Variants in AFDN observed in about 807,000 individuals in gnomAD.
AFDN encodes afadin.
A neutral mutation model predicts 216.6 loss-of-function variants in AFDN; 68 were observed. The observed-to-expected ratio is 0.31, with a 90% CI of 0.26 to 0.38. The LOEUF (loss-of-function observed/expected upper bound fraction) is 0.38, where lower values mean the gene tolerates loss of function less well. AFDN is among the 10% of genes least tolerant of loss of function. The pLI, the probability that AFDN is intolerant of heterozygous loss-of-function variation, is 1.00. For missense variants in AFDN, 2,136 were observed against 2,342.0 expected (o/e 0.91, Z 1.82); for synonymous variants, 868 against 853.7 (o/e 1.02, Z -0.29).
At position 167,951,862 on chromosome 6, in the gene AFDN, A is replaced by G. The variant is rs1239520117; in HGVS notation, c.4508A>G (p.Gln1503Arg). 2 of 1,613,996 alleles carry G rather than the reference A, an allele frequency of 1.2e-6. No homozygotes were observed. The highest frequency in any genetic ancestry group is 1.3e-5 in the African/African-American group (1 of 74,914). ...QPRTIERRDL[Q>R]YITVSKEELS... The stretch of plus-strand genomic sequence containing the variant: ...CGCACGATCGAGCGCAGAGACTTGC[A>G]GTACATTACAGTCAGCAAAGAGGAG... Residue 1503 changes from glutamine to arginine, a missense_variant, in exon 30 of 34, where the codon CAG (glutamine) becomes CGG (arginine). This residue lies in a region of AFDN where 981 missense variants were observed against 966.0 expected (regional missense o/e 1.02). Coordinates refer to ENST00000683244, the MANE Select transcript of AFDN (RefSeq NM_001386888.1). The surrounding 1 kb of genome is among the most constrained non-coding windows in gnomAD (Gnocchi z 7.1).
intron 2 of AFDN, 31 bp from the exon 3 acceptor site, chr6:167,870,355 A>T: frequency 1.4e-6 from 2 of 1,393,972 alleles, no homozygotes; most frequent in South Asian, 2.5e-5. Flanking sequence ...ACCATAGCTT[A>T]TTCTTTTTTT....
rs1012368306 is a variant in AFDN at position 167,964,334 on chromosome 6, T to G, written c.4969-1423T>G. The stretch of plus-strand genomic sequence containing the variant: ...TATAACTAAAAGAGGATATTTTGAT[T>G]TCTTCCTAAAATGTTACCAAGCAAC... On this transcript the variant is annotated intron_variant, in intron 31 of 33. Transcript: ENST00000683244. 20 of 1,064,332 alleles carry G rather than the reference T, an allele frequency of 1.9e-5. No individual in the cohort carries two copies. In the African/African-American group the frequency reaches 3.3e-4, roughly 17 times the overall value. The allele number at this position is 1,064,332 out of a possible 1,614,324, so 65.9% of individuals were successfully genotyped here.
At chr6:167,890,767 TCTTTTTGAG>T (rs1787464194) in intron 7 of AFDN, 86 bp from the exon 8 acceptor site, 1 of 1,203,794 alleles carries the variant, frequency 8.3e-7, no homozygotes, top group Non-Finnish European at 1.2e-6. Context: ...ATTACATGCA[TCTTTTTGAG>T]AAAGTTTTGC....
chr6:167,834,076 C>G (rs1780125000), intron 1 of AFDN, among the ~76,000 whole-genome samples: 1 of 152,008 alleles, frequency 6.6e-6, no homozygotes, highest in Non-Finnish European at 1.5e-5. Context: ...ACATTAATTT[C>G]ATTGGGAAAA....
In AFDN at chr6:167,962,454, C is replaced by A. The variant is rs765756915; in HGVS notation, c.4855C>A (p.Arg1619=). 1.1e-5 allele frequency: 17 copies of A among 1,613,530 alleles called. No individual in the cohort carries two copies. In the South Asian group the frequency reaches 1.9e-4, roughly 18 times the overall value. Reference sequence around the variant, plus strand: ...TTAGTTGCAGGACGAGGAGCGGAGGCGGCAGCAGCAGTTAGAAGAGATGCG... The same window carrying A: ...TTAGTTGCAGGACGAGGAGCGGAGGAGGCAGCAGCAGTTAGAAGAGATGCG... ...RARLQDEERR[R]QQQLEEMRKR... The change falls in exon 31 of 34, where the codon CGG becomes AGG. Residue 1619 remains arginine (R), a synonymous_variant. Coordinates refer to ENST00000683244, the MANE Select transcript of AFDN (RefSeq NM_001386888.1). The surrounding 1 kb of genome is among the most constrained non-coding windows in gnomAD (Gnocchi z 5.2).
intron 1 of AFDN, among the ~76,000 whole-genome samples, chr6:167,836,914 G>A (rs1780506174): frequency 6.6e-6 from 1 of 152,166 alleles, no homozygotes; most frequent in Non-Finnish European, 1.5e-5. Flanking sequence ...TCTGCCAGGA[G>A]TACCATGGAC....
chr6:167,869,334 G>A (rs1307794472), intron 2 of AFDN, among the ~76,000 whole-genome samples: 2 of 152,062 alleles, frequency 1.3e-5, no homozygotes, highest in Non-Finnish European at 2.9e-5. Flanking sequence ...AGATGTTTCT[G>A]AAAGAGGCAT....
chr6:167,883,279 A>G (rs1265616426), intron 6 of AFDN, among the ~76,000 whole-genome samples: 2 of 152,192 alleles, frequency 1.3e-5, no homozygotes, highest in East Asian at 1.9e-4. Flanking sequence ...ATAAGGACAC[A>G]TTGTTTAGAA....
At chr6:167,937,935 T>TA (rs1794210741) in intron 23 of AFDN, among the ~76,000 whole-genome samples, 1 of 152,208 alleles carries the variant, frequency 6.6e-6, no homozygotes, top group Non-Finnish European at 1.5e-5. Context: ...TCAATGTTGG[T>TA]AAACTATAAG....
chr6:167,832,713 G>A (rs1779962911), intron 1 of AFDN, among the ~76,000 whole-genome samples: 1 of 152,138 alleles, frequency 6.6e-6, no homozygotes, highest in Non-Finnish European at 1.5e-5. Flanking sequence ...CTCTTTTGAG[G>A]AACTGAAATG....
In AFDN at chr6:167,953,854, A is replaced by T. The variant is rs952145189; in HGVS notation, c.4833+1667A>T. On this transcript the variant is annotated intron_variant, in intron 30 of 33. Transcript: ENST00000683244. The stretch of plus-strand genomic sequence containing the variant: ...GGCCTTGTGTCACCCACACCCCAAA[A>T]GATGAAAAGATGTCTTTTCCTTCGC... 2.6e-5 allele frequency among the ~76,000 whole-genome samples: 4 copies of T among 152,178 alleles called. No homozygotes were observed. The East Asian group carries it at 7.7e-4, about 29-fold the overall frequency.
intron 6 of AFDN, among the ~76,000 whole-genome samples, chr6:167,882,103 T>C (rs1364315804): frequency 1.3e-5 from 2 of 152,046 alleles, no homozygotes; most frequent in African/African-American, 4.8e-5. Context: ...AGAGAACAGA[T>C]GGAAGTTTGA....
intron 6 of AFDN, 90 bp downstream of exon 6, chr6:167,880,607 C>A: frequency 7.9e-7 from 1 of 1,272,994 alleles, no homozygotes; most frequent in Non-Finnish European, 1.1e-6. Context: ...GATTTTCAGC[C>A]TACCATATCA....
intron 6 of AFDN, 79 bp from the exon 7 acceptor site, chr6:167,889,136 G>A: frequency 1.1e-6 from 1 of 875,676 alleles, no homozygotes; most frequent in Non-Finnish European, 1.8e-6. Context: ...TCATTCAAAA[G>A]CAATAAATGT....
chr6:167,913,942 ATATGTC>A (rs1384035562), intron 16 of AFDN: 2 of 531,208 alleles, frequency 3.8e-6, no homozygotes, highest in African/African-American at 1.9e-5. Flanking sequence ...AACTGAATCC[ATATGTC>A]TATGTGCATG....
At chr6:167,947,006 C>T (rs1240679260) in intron 27 of AFDN, 105 bp downstream of exon 27, 1 of 975,984 alleles carries the variant, frequency 1.0e-6, no homozygotes, top group Non-Finnish European at 1.5e-6. Context: ...TCTCTGCAAA[C>T]ATTGGCTAAC....
Position 167,898,128 on chromosome 6 carries a change from C to T in AFDN, c.1318-77C>T. 2.0e-6 allele frequency: 3 copies of T among 1,505,978 alleles called. No individual in the cohort carries two copies. The East Asian group carries it at 6.8e-5, about 34-fold the overall frequency. The allele number at this position is 1,505,978 out of a possible 1,614,324, so 93.3% of individuals were successfully genotyped here. ...GGTTATATTTGTCATAAAAGGGGTA[C>T]TCACGGTTTTAACATTCTGTGTTTA... is the stretch of plus-strand genomic sequence containing the variant. On this transcript the variant is annotated intron_variant, in intron 10 of 33. Transcript: ENST00000683244.
At chr6:167,909,416 AAATT>A (rs2128446063) in intron 13 of AFDN, among the ~76,000 whole-genome samples, 1 of 152,196 alleles carries the variant, frequency 6.6e-6, no homozygotes, top group African/African-American at 2.4e-5. Flanking sequence ...GTTGAAAAAA[AAATT>A]AGTTAGCCAG....
chr6:167,833,522 G>A (rs1780055514), intron 1 of AFDN, among the ~76,000 whole-genome samples: 1 of 152,172 alleles, frequency 6.6e-6, no homozygotes, highest in Non-Finnish European at 1.5e-5. Context: ...GCTCTTTGCA[G>A]ACTTAAAACT....
Sources: allele counts gnomAD v4.1 joint callset (sites outside exome capture counted in the v4.1 genomes callset), GRCh38; gene constraint gnomAD v4.1.1; regional missense constraint gnomAD v4.1.1; non-coding constraint Gnocchi (gnomAD v3.1); transcripts MANE v1.5; gene names NCBI Gene and HGNC (gene_info 2026-07-23, HGNC 2026-07-21).